AK9: variants seen among roughly 807,000 people sequenced by gnomAD.
AK9 encodes adenylate kinase domain containing 1.
Under a neutral mutation model 239.6 loss-of-function variants are expected in AK9, and 191 were observed. That is an observed-to-expected ratio of 0.80 (90% CI 0.71 to 0.90). AK9 has a LOEUF of 0.90. Among genes scored for constraint, AK9 ranks in the 40% least tolerant of loss-of-function variants. AK9 has a pLI of 0.00. For missense variants in AK9, 1,995 were observed against 2,214.7 expected, an observed-to-expected ratio of 0.90 and a Z score of 1.99; for synonymous variants, 689 against 721.0, an observed-to-expected ratio of 0.96 and a Z score of 0.71.
At chr6:109,565,230 C>T (rs1265230397) in intron 21 of AK9, among the ~76,000 whole-genome samples, 1 of 152,060 alleles carries the variant, frequency 6.6e-6, no homozygotes, top group Non-Finnish European at 1.5e-5. Context: ...GTAATCCTAG[C>T]CTTTGGGAGG....
chr6:109,584,779 T>C (rs886420286), intron 19 of AK9, among the ~76,000 whole-genome samples: 3 of 152,130 alleles, frequency 2.0e-5, no homozygotes, highest in Non-Finnish European at 4.4e-5. Context: ...TCCTATGATG[T>C]TGTTTCTTCA....
At chr6:109,663,318 A>G (rs147746349) in intron 5 of AK9, among the ~76,000 whole-genome samples, 2 of 152,302 alleles carry the variant, frequency 1.3e-5, no homozygotes, top group East Asian at 3.9e-4. Context: ...TTATTAATAA[A>G]GTCTCAATTC....
intron 23 of AK9, 50 bp downstream of exon 23, chr6:109,564,030 T>C (rs758668804): frequency 4.8e-6 from 7 of 1,473,340 alleles, no homozygotes; most frequent in South Asian, 2.6e-5. Flanking sequence ...AAAATGCTTC[T>C]AATACTATCA....
At chr6:109,607,205 A>T (rs545499068) in intron 17 of AK9, among the ~76,000 whole-genome samples, 4 of 152,198 alleles carry the variant, frequency 2.6e-5, no homozygotes, top group Non-Finnish European at 4.4e-5. Flanking sequence ...AATACCTAAA[A>T]ATAAAAAATA....
chr6:109,646,081 T>C (rs1021378398), intron 8 of AK9, among the ~76,000 whole-genome samples: 1 of 151,980 alleles, frequency 6.6e-6, no homozygotes, highest in Admixed American at 6.5e-5. Flanking sequence ...CAAAACCCCA[T>C]CTGTAAGTCA....
chr6:109,617,502 C>A (rs895472937), intron 13 of AK9, among the ~76,000 whole-genome samples: 2 of 151,962 alleles, frequency 1.3e-5, no homozygotes, highest in African/African-American at 2.4e-5. Flanking sequence ...TTTATACATA[C>A]ACACACAAAC....
intron 8 of AK9, among the ~76,000 whole-genome samples, chr6:109,646,010 A>G (rs1222299740): frequency 6.6e-6 from 1 of 152,268 alleles, no homozygotes; most frequent in Non-Finnish European, 1.5e-5. Flanking sequence ...CCTAACTGTT[A>G]GAAGGAAAAC....
intron 36 of AK9, 149 bp from the exon 37 acceptor site, chr6:109,498,114 G>T: frequency 1.4e-6 from 1 of 709,520 alleles, no homozygotes. Flanking sequence ...CCTCTGAAAG[G>T]AAGTTCCTTA....
chr6:109,544,946 A>G (rs1783342570), intron 26 of AK9, among the ~76,000 whole-genome samples: 1 of 152,228 alleles, frequency 6.6e-6, no homozygotes, highest in Non-Finnish European at 1.5e-5. Flanking sequence ...TTGTCAAGGA[A>G]AATTTTTCTG....
chr6:109,533,345 C>T lies in AK9; in HGVS notation c.3476G>A (p.Arg1159His), dbSNP rs774061625. 1.2e-5 allele frequency: 19 copies of T among 1,611,106 alleles called. No individual in the cohort carries two copies. Among genetic ancestry groups the T allele is most frequent in the African/African-American group, 9.4e-5 (7 of 74,788 alleles). ...IQVDDQDIFD[R>H]LLPAQIEKWK... ...CTTTTCAATTTGGGCAGGAAGGAGGCGATCAAAAATATCTTGATCATCAAC... is the reference window on the plus strand; with the variant it reads ...CTTTTCAATTTGGGCAGGAAGGAGGTGATCAAAAATATCTTGATCATCAAC... The change falls in exon 28 of 41, where the codon CGC becomes CAC. Residue 1159 changes from arginine (R) to histidine (H), a missense_variant. Arg to His is a conservative substitution (Grantham distance 29, BLOSUM62 0). Transcript: ENST00000424296.
intron 26 of AK9, among the ~76,000 whole-genome samples, chr6:109,544,341 C>T (rs540065416): frequency 1.2e-4 from 18 of 152,176 alleles, no homozygotes; most frequent in South Asian, 2.1e-4. Context: ...GAGGTTAATA[C>T]GGTTTGGATC....
At chr6:109,569,757 A>G (rs138961329) in intron 21 of AK9, among the ~76,000 whole-genome samples, 2,250 of 152,242 alleles carry the variant, frequency 0.015, 59 homozygotes, top group African/African-American at 0.051. Context: ...TTAGAATGGC[A>G]ATCATTAAAA....
At chr6:109,499,630 C>G (rs189647417) in intron 35 of AK9, among the ~76,000 whole-genome samples, 1 of 151,718 alleles carries the variant, frequency 6.6e-6, no homozygotes, top group Non-Finnish European at 1.5e-5. Context: ...GATGGAGTCT[C>G]GCTCTGTCAC....
At chr6:109,500,854 C>T (rs1266583443) in intron 35 of AK9, among the ~76,000 whole-genome samples, 1 of 151,958 alleles carries the variant, frequency 6.6e-6, no homozygotes, top group African/African-American at 2.4e-5. Context: ...CCTGTCTCTA[C>T]AAAAAATACA....
chr6:109,673,218 TGA>T (rs1771198257), intron 3 of AK9, among the ~76,000 whole-genome samples: 1 of 151,996 alleles, frequency 6.6e-6, no homozygotes, highest in Non-Finnish European at 1.5e-5. Flanking sequence ...TGTGTGTGTG[TGA>T]GTGTGTGTGT....
At chr6:109,627,209 C>T (rs993251714) in intron 12 of AK9, among the ~76,000 whole-genome samples, 6 of 128,488 alleles carry the variant, frequency 4.7e-5, no homozygotes, top group Non-Finnish European at 9.4e-5. Flanking sequence ...TCTTCCTCCT[C>T]TATATCTTGT....
intron 7 of AK9, among the ~76,000 whole-genome samples, chr6:109,657,232 T>C (rs1799811526): frequency 6.6e-6 from 1 of 152,172 alleles, no homozygotes; most frequent in Admixed American, 6.6e-5. Context: ...ATTTATTGAG[T>C]GCCTTCTATG....
In AK9 at chr6:109,515,840, G is replaced by A. The variant is rs1031769361; in HGVS notation, c.4065+17C>T. 1.3e-6 allele frequency: 2 copies of A among 1,521,124 alleles called. No individual in the cohort carries two copies. Among genetic ancestry groups the A allele is most frequent in the Non-Finnish European group, 8.9e-7 (1 of 1,121,546 alleles). The allele number at this position is 1,521,124 out of a possible 1,614,324, so 94.2% of individuals were successfully genotyped here. On this transcript the variant is annotated intron_variant, in intron 31 of 40. Transcript: ENST00000424296. The stretch of plus-strand genomic sequence containing the variant: ...TAAATAAGGAACATGGCTTTCAGGT[G>A]CGTTTGCTGAAATTACCTTTACAGG...
intron 5 of AK9, among the ~76,000 whole-genome samples, chr6:109,664,725 A>C (rs903019248): frequency 6.6e-6 from 1 of 150,930 alleles, no homozygotes; most frequent in African/African-American, 2.4e-5. Flanking sequence ...GTCAGGCCAC[A>C]ATCTTTTATT....
Sources: gnomAD v4.1 joint callset for allele counts (sites outside exome capture counted in the v4.1 genomes callset) on GRCh38, gnomAD v4.1.1 for gene constraint, MANE v1.5 for transcripts, NCBI Gene and HGNC (gene_info 2026-07-23, HGNC 2026-07-21) for gene names.